Variants in PXDNL observed in about 807,000 individuals in gnomAD.
PXDNL encodes probable oxidoreductase PXDNL.
PXDNL carries 145 observed loss-of-function variants against 150.8 expected under a neutral mutation model. The observed-to-expected ratio is 0.96, with a 90% confidence interval of 0.84 to 1.10. The LOEUF is 1.10. Among genes scored for constraint, PXDNL ranks in the 50% least tolerant of loss-of-function variants. PXDNL has a pLI of 0.00. For synonymous variants in PXDNL, 757 were observed against 725.7 expected (o/e 1.04, Z -0.69); for missense variants, 2,087 against 1,873.9 (o/e 1.11, Z -2.10).
At chr8:51,432,450 G>A (rs1217049739) in intron 12 of PXDNL, among the ~76,000 whole-genome samples, 1 of 152,160 alleles carries the variant, frequency 6.6e-6, no homozygotes, top group Non-Finnish European at 1.5e-5. Context: ...AACTCTTCTA[G>A]GGTTTTGATT....
intron 20 of PXDNL, among the ~76,000 whole-genome samples, chr8:51,342,640 G>C (rs2130689932): frequency 6.6e-6 from 1 of 152,272 alleles, no homozygotes; most frequent in Admixed American, 6.5e-5. Context: ...GAGCAGTAAT[G>C]AGTCTGGGAA....
intron 14 of PXDNL, among the ~76,000 whole-genome samples, chr8:51,421,127 C>T (rs569127136): frequency 6.3e-4 from 96 of 152,240 alleles, no homozygotes; most frequent in African/African-American, 2.2e-3. Context: ...AAGAGCAAGA[C>T]AGAGGGGCAA....
intron 1 of PXDNL, among the ~76,000 whole-genome samples, chr8:51,749,511 A>G (rs557788625): frequency 1.3e-5 from 2 of 152,200 alleles, no homozygotes; most frequent in Non-Finnish European, 2.9e-5. Context: ...GGTACAGTAA[A>G]AATACAGCAT....
At chr8:51,573,378 TA>T (rs1812986265) in intron 3 of PXDNL, among the ~76,000 whole-genome samples, 1 of 151,940 alleles carries the variant, frequency 6.6e-6, no homozygotes, top group African/African-American at 2.4e-5. Flanking sequence ...AAACCAGCAA[TA>T]AAGAGCTGTC....
intron 14 of PXDNL, among the ~76,000 whole-genome samples, chr8:51,420,934 TG>T (rs1808934565): frequency 1.3e-5 from 2 of 152,224 alleles, no homozygotes. Flanking sequence ...GTGATCTGCC[TG>T]CCTCAGCTTC....
chr8:51,512,934 A>T (rs1196341865), intron 4 of PXDNL, among the ~76,000 whole-genome samples: 2 of 10,908 alleles, frequency 1.8e-4, no homozygotes, highest in Non-Finnish European at 4.5e-3. Context: ...TCCTCCCACC[A>T]ACAGGGGCAA....
intron 5 of PXDNL, among the ~76,000 whole-genome samples, chr8:51,487,061 G>A (rs1373153874): frequency 1.3e-5 from 2 of 151,550 alleles, no homozygotes; most frequent in African/African-American, 4.8e-5. Flanking sequence ...CCAAAGTGCT[G>A]GGATTACAGG....
In PXDNL at chr8:51,436,237, G is replaced by T. The variant is rs192266490; in HGVS notation, c.1526-9479C>A. ...CCATGTGTTGACTTTCACCATTTTG[G>T]ATAATAGGATATGGTTTCAGAAGTT... On this transcript the variant is annotated intron_variant, in intron 12 of 22. Coordinates refer to ENST00000356297, the MANE Select transcript of PXDNL (RefSeq NM_144651.5). 7.7e-6 allele frequency: 4 copies of T among 519,298 alleles called. No homozygotes were observed. The Admixed American group carries it at 8.0e-5, about 10-fold the overall frequency. 32.2% of individuals were successfully genotyped at this position (519,298 alleles called of 1,614,324 possible).
chr8:51,775,887 G>A (rs1475211546), intron 1 of PXDNL, among the ~76,000 whole-genome samples: 1 of 152,230 alleles, frequency 6.6e-6, no homozygotes, highest in Non-Finnish European at 1.5e-5. Context: ...GTGGAACAGA[G>A]CCATATTTCT....
Position 51,409,426 on chromosome 8 carries a change from G to T in PXDNL, c.2198C>A (p.Thr733Lys). Residue 733 changes from threonine to lysine, a missense_variant, in exon 17 of 23, where the codon ACG becomes AAG. Coordinates refer to ENST00000356297, the MANE Select transcript of PXDNL (RefSeq NM_144651.5). ...FHAKYRAHDG[T>K]CNNLQQPTWG... ...CGTGGGCTGCTGCAGGTTGTTGCACGTGCCGTCGTGGGCGCGGTACTTCGC... is the reference window on the plus strand; with the variant it reads ...CGTGGGCTGCTGCAGGTTGTTGCACTTGCCGTCGTGGGCGCGGTACTTCGC... The T allele has an allele frequency of 6.2e-7, 1 of 1,612,188 alleles. No homozygotes were observed. Among genetic ancestry groups the T allele is most frequent in the Non-Finnish European group, 8.5e-7 (1 of 1,179,604 alleles).
chr8:51,642,627 G>A (rs4294172), intron 2 of PXDNL, among the ~76,000 whole-genome samples: 25,322 of 152,092 alleles, frequency 0.17, 2,483 homozygotes, highest in Non-Finnish European at 0.22. Flanking sequence ...TTTGAAAACT[G>A]GCACAAGACA....
chr8:51,559,617 G>A (rs1010744581), intron 3 of PXDNL, among the ~76,000 whole-genome samples: 2 of 152,122 alleles, frequency 1.3e-5, no homozygotes, highest in Admixed American at 1.3e-4. Flanking sequence ...ACCCTCAGCA[G>A]AGTCAAGTGG....
intron 2 of PXDNL, among the ~76,000 whole-genome samples, chr8:51,652,575 T>C (rs995827681): frequency 6.6e-6 from 1 of 152,164 alleles, no homozygotes; most frequent in Non-Finnish European, 1.5e-5. Context: ...AGAAACCATA[T>C]AGTCCAGCAG....
chr8:51,340,730 A>C (rs1805963534), intron 20 of PXDNL, among the ~76,000 whole-genome samples: 1 of 152,248 alleles, frequency 6.6e-6, no homozygotes, highest in African/African-American at 2.4e-5. Flanking sequence ...TAGTTTAGTC[A>C]CTGGATAACT....
chr8:51,573,103 A>G (rs1315720817), intron 3 of PXDNL, among the ~76,000 whole-genome samples: 1 of 152,066 alleles, frequency 6.6e-6, no homozygotes, highest in Non-Finnish European at 1.5e-5. Context: ...CTAGCAAGAC[A>G]GAAAACTTTT....
intron 18 of PXDNL, among the ~76,000 whole-genome samples, chr8:51,373,931 T>C (rs1232112640): frequency 6.6e-6 from 1 of 152,214 alleles, no homozygotes; most frequent in African/African-American, 2.4e-5. Context: ...TTGGTTAGTC[T>C]TGGAACAGTA....
chr8:51,452,935 A>ACACACACACACACACACACACACAC (rs1809839333), intron 10 of PXDNL, among the ~76,000 whole-genome samples: 1 of 142,562 alleles, frequency 7.0e-6, no homozygotes, highest in African/African-American at 2.7e-5. Flanking sequence ...CACACACACA[A>ACACACACACACACACACACACACAC]ACACACACAC....
At chr8:51,675,792 CAAAAAAA>C (rs71550280) in intron 1 of PXDNL, among the ~76,000 whole-genome samples, 1 of 93,250 alleles carries the variant, frequency 1.1e-5, no homozygotes, top group South Asian at 4.3e-4. Flanking sequence ...GGCTCCGTCT[CAAAAAAA>C]AAAAAAAAAA....
At position 51,586,530 on chromosome 8, in the gene PXDNL, C is replaced by T. The variant is rs149084847; in HGVS notation, c.308+6097G>A. Reference sequence around the variant, plus strand: ...ATTTTGTTAAGATTGTCATTAAAACCCAGTGAGTGAGAGATTTCAGACCTG... The same window carrying T: ...ATTTTGTTAAGATTGTCATTAAAACTCAGTGAGTGAGAGATTTCAGACCTG... On this transcript the variant is annotated intron_variant, in intron 3 of 22. Transcript: ENST00000356297. Among the ~76,000 whole-genome samples the T allele has an allele frequency of 2.0e-5, 3 of 152,258 alleles. No homozygotes were observed. In the East Asian group the frequency reaches 5.8e-4, roughly 29 times the overall value.
Sources: gnomAD v4.1 joint callset for allele counts (sites outside exome capture counted in the v4.1 genomes callset) on GRCh38, gnomAD v4.1.1 for gene constraint, MANE v1.5 for transcripts, NCBI Gene and HGNC (gene_info 2026-07-23, HGNC 2026-07-21) for gene names.